The following PAK4 variants were observed in gnomAD, a reference collection of about 807,000 sequenced individuals.
PAK4 encodes serine/threonine-protein kinase PAK 4.
In PAK4, 49 loss-of-function variants were observed where a neutral mutation model predicts 53.5. The observed-to-expected ratio is 0.92, with a 90% CI of 0.73 to 1.16. The LOEUF is 1.16. Ranked by LOEUF, PAK4 falls within the 50% of genes most tolerant of loss-of-function variation. The probability of loss-of-function intolerance (pLI) is 0.00; values close to 1 mark genes in which losing one functional copy is unlikely to be tolerated. For missense variants in PAK4, 824 were observed against 850.7 expected (o/e 0.97, Z 0.39); for synonymous variants, 376 against 375.6 (o/e 1.00, Z -0.01).
Position 39,146,558 on chromosome 19 carries a change from C to G in PAK4, c.-23+20639C>G, listed in dbSNP as rs183906954. Among the ~76,000 whole-genome samples, 5 of 152,302 alleles carry G rather than the reference C, an allele frequency of 3.3e-5. No homozygotes were observed. The East Asian group carries it at 9.6e-4, about 29-fold the overall frequency. Reference sequence around the variant, plus strand: ...AGTTGTAAGAAGTAACTCAGAATGGCCAGGCGCAGTGGCTCACGCCTGTAA... The same window carrying G: ...AGTTGTAAGAAGTAACTCAGAATGGGCAGGCGCAGTGGCTCACGCCTGTAA... On this transcript the variant is annotated intron_variant, in intron 1 of 8. Transcript: ENST00000358301.
intron 1 of PAK4, among the ~76,000 whole-genome samples, chr19:39,164,296 AAAG>A (rs1437747639): frequency 1.4e-4 from 22 of 151,862 alleles, no homozygotes; most frequent in African/African-American, 5.1e-4. Flanking sequence ...AAAAAAAAAA[AAAG>A]AATTATACAC....
rs781266929 is a variant in PAK4, at chr19:39,178,547, G to T, written c.1744G>T (p.Val582Leu). 6.2e-7 allele frequency: 1 copy of T among 1,609,626 alleles called. No individual in the cohort carries two copies. The highest frequency in any genetic ancestry group is 8.5e-7 in the Non-Finnish European group (1 of 1,178,440). The stretch of plus-strand genomic sequence containing the variant: ...CAAGGCAGGGCCGCCTGCCAGCATC[G>T]TGCCCCTCATGCGCCAGAACCGCAC... Residue 582 changes from valine to leucine, a missense_variant, in exon 9 of 9, where the codon GTG (valine) becomes TTG (leucine). Physicochemically the swap from Val to Leu is conservative, Grantham distance 32. This residue lies in a region of PAK4 where 346 missense variants were observed against 415.0 expected (regional missense o/e 0.83). Transcript: ENST00000358301. This position sits in a 1 kb window ranked among gnomAD's most constrained non-coding sequence, Gnocchi z 4.4.
At position 39,175,367 on chromosome 19, in the gene PAK4, G is replaced by A. The variant is rs1158513218; in HGVS notation, c.1288G>A (p.Val430Met). The A allele has an allele frequency of 4.4e-6, 7 of 1,606,792 alleles. No homozygotes were observed. The change falls in exon 6 of 9, where the codon GTG (valine) becomes ATG (methionine). Residue 430 changes from valine to methionine, a missense_variant. By Grantham distance (21) the Val-to-Met change is conservative. Around this residue, in one of 2 missense-constraint regions of PAK4, gnomAD observed 346 missense variants for 415.0 expected, o/e 0.83. Coordinates refer to ENST00000358301, the Ensembl canonical transcript of PAK4. The surrounding 1 kb of genome is among the most constrained non-coding windows in gnomAD (Gnocchi z 4.7). ...CCTTGCAGTGCTGCAGGCCCTGTCGGTGCTCCACGCCCAGGGCGTCATCCA... is the reference window on the plus strand; with the variant it reads ...CCTTGCAGTGCTGCAGGCCCTGTCGATGCTCCACGCCCAGGGCGTCATCCA...
intron 2 of PAK4, among the ~76,000 whole-genome samples, chr19:39,172,052 G>A (rs2074490319): frequency 6.6e-6 from 1 of 152,232 alleles, no homozygotes; most frequent in Non-Finnish European, 1.5e-5. Flanking sequence ...CAGGGCAGGG[G>A]CCGGGGAGGG....
At chr19:39,138,835 G>T (rs1050639069) in intron 1 of PAK4, among the ~76,000 whole-genome samples, 1 of 152,228 alleles carries the variant, frequency 6.6e-6, no homozygotes, top group African/African-American at 2.4e-5. Context: ...GCTCTGGGAT[G>T]CGGGAAGCAG....
intron 1 of PAK4, among the ~76,000 whole-genome samples, chr19:39,159,608 G>A (rs1417028595): frequency 1.3e-5 from 2 of 152,128 alleles, no homozygotes; most frequent in East Asian, 1.9e-4. Flanking sequence ...GGCTGGTCTC[G>A]AACTCCTGAC....
Position 39,178,311 on chromosome 19 carries a change from C to T in PAK4, c.1621-113C>T. On this transcript the variant is annotated intron_variant, in intron 8 of 8. Coordinates refer to ENST00000358301, the Ensembl canonical transcript of PAK4. The surrounding 1 kb of genome is among the most constrained non-coding windows in gnomAD (Gnocchi z 4.4). ...AGACACCCATGACCTCCGCCCCCTGCCCTCCTGCACAGTACATGCCGCCAG... is the reference window on the plus strand; with the variant it reads ...AGACACCCATGACCTCCGCCCCCTGTCCTCCTGCACAGTACATGCCGCCAG... 1.8e-6 allele frequency: 2 copies of T among 1,119,600 alleles called. No homozygotes were observed. The highest frequency in any genetic ancestry group is 2.5e-6 in the Non-Finnish European group (2 of 795,262). The allele number at this position is 1,119,600 out of a possible 1,614,324, so 69.4% of individuals were successfully genotyped here.
chr19:39,148,332 A>C (rs952400645), intron 1 of PAK4, among the ~76,000 whole-genome samples: 1 of 151,700 alleles, frequency 6.6e-6, no homozygotes, highest in Non-Finnish European at 1.5e-5. Flanking sequence ...ATGTCTTTTA[A>C]TACTTTTCAT....
At chr19:39,126,284 G>A (rs1343225083) in intron 1 of PAK4, among the ~76,000 whole-genome samples, 1 of 152,050 alleles carries the variant, frequency 6.6e-6, no homozygotes. Flanking sequence ...GTTTAAAGCT[G>A]CCCCTAGCGG....
rs754271659 is a variant in PAK4 at position 39,175,267 on chromosome 19, G to A, written c.1233-45G>A. ...AGGGCTGCGTCCCCCTCGGCACCCC[G>A]GGGTGCTGTCCAGCTGGCTGCTCAC... On this transcript the variant is annotated intron_variant, in intron 5 of 8. Coordinates refer to ENST00000358301, the Ensembl canonical transcript of PAK4. The surrounding 1 kb of genome is among the most constrained non-coding windows in gnomAD (Gnocchi z 4.7). The A allele has an allele frequency of 1.5e-5, 23 of 1,519,066 alleles. No individual in the cohort carries two copies. Among genetic ancestry groups the A allele is most frequent in the African/African-American group, 2.8e-5 (2 of 72,494 alleles). 94.1% of individuals were successfully genotyped at this position (1,519,066 alleles called of 1,614,324 possible). A position where few individuals can be genotyped will look rare whatever the true frequency, so the allele number is the denominator to read the frequency against.
In PAK4 at chr19:39,178,411, T is replaced by C. The variant is rs115495399; in HGVS notation, c.1621-13T>C. ...GGAGCCTCGCCCCCTGACCCTCCCC[T>C]CCTTCTCGACAGGTGTCGCCATCCC... On this transcript the variant is annotated splice_polypyrimidine_tract_variant and intron_variant, in intron 8 of 8. Transcript: ENST00000358301. The surrounding 1 kb of genome is among the most constrained non-coding windows in gnomAD (Gnocchi z 4.4). 13,094 of 1,571,574 alleles carry C rather than the reference T, an allele frequency of 8.3e-3. 95 individuals are homozygous for C. The highest frequency in any genetic ancestry group is 0.019 in the South Asian group (1,636 of 85,612).
intron 1 of PAK4, among the ~76,000 whole-genome samples, chr19:39,128,582 CT>C (rs2073635814): frequency 1.3e-5 from 2 of 152,364 alleles, no homozygotes; most frequent in African/African-American, 4.8e-5. Flanking sequence ...TTATTTGCCA[CT>C]TTTATTCCTT....
chr19:39,148,520 AGT>A (rs1460330519), intron 1 of PAK4, among the ~76,000 whole-genome samples: 1 of 105,430 alleles, frequency 9.5e-6, no homozygotes, highest in Admixed American at 1.6e-4. Context: ...CCCAGGCTGG[AGT>A]GGGCTCACTG....
intron 6 of PAK4, 38 bp from the exon 8 acceptor site, chr19:39,176,552 C>G (rs999314716): frequency 1.9e-6 from 3 of 1,612,834 alleles, no homozygotes; most frequent in Non-Finnish European, 2.5e-6. Context: ...TCCTGCTGTG[C>G]CAGCTCCTCT....
rs759140387 is a variant in PAK4 at position 39,174,957 on chromosome 19, C to G, written c.1125C>G (p.His375Gln). The G allele has an allele frequency of 1.2e-6, 2 of 1,613,754 alleles. No individual in the cohort carries two copies. Among genetic ancestry groups the G allele is most frequent in the Non-Finnish European group, 1.7e-6 (2 of 1,179,954 alleles). Residue 375 changes from histidine to glutamine, a missense_variant, in exon 5 of 9, where the codon CAC becomes CAG. Around this residue, in one of 2 missense-constraint regions of PAK4, gnomAD observed 346 missense variants for 415.0 expected, o/e 0.83. Transcript: ENST00000358301. ...TGGTAATCATGAGGGACTACCAGCA[C>G]GAGAATGTGGTGGAGATGTACAACA... is the stretch of plus-strand genomic sequence containing the variant.
At chr19:39,150,528 C>G (rs1393480211) in intron 1 of PAK4, among the ~76,000 whole-genome samples, 1 of 152,116 alleles carries the variant, frequency 6.6e-6, no homozygotes. Flanking sequence ...CTCCTTGTCA[C>G]TCATCCTCAC....
downstream of PAK4, chr19:39,180,567 C>T (rs1030838049): frequency 1.1e-4 from 16 of 152,120 alleles, no homozygotes; most frequent in African/African-American, 3.6e-4. Context: ...GCCTCAGCCT[C>T]CCAAGTAGCT....
At position 39,151,749 on chromosome 19, in the gene PAK4, C is replaced by A. The variant is rs192663071; in HGVS notation, c.-22-17783C>A. Among the ~76,000 whole-genome samples the A allele has an allele frequency of 3.0e-4, 45 of 152,246 alleles. 1 individual carries two copies. The East Asian group carries it at 5.2e-3, about 18-fold the overall frequency. On this transcript the variant is annotated intron_variant, in intron 1 of 8. Transcript: ENST00000358301. ...ATGGCCCAAAAGTACATGGAAAATT[C>A]CAGAAATAACCAATTCATATGTTTT...
intron 1 of PAK4, among the ~76,000 whole-genome samples, chr19:39,164,710 C>T (rs1600381060): frequency 6.6e-6 from 1 of 152,204 alleles, no homozygotes; most frequent in African/African-American, 2.4e-5. Flanking sequence ...AGGACTCTGG[C>T]TTCCAGGCCC....
Sources: allele counts gnomAD v4.1 joint callset (sites outside exome capture counted in the v4.1 genomes callset), GRCh38; gene constraint gnomAD v4.1.1; regional missense constraint gnomAD v4.1.1; non-coding constraint Gnocchi (gnomAD v3.1); transcripts MANE v1.5; gene names NCBI Gene and HGNC (gene_info 2026-07-23, HGNC 2026-07-21).